ANKFN1: variants seen among roughly 807,000 people sequenced by gnomAD.
The protein encoded by ANKFN1 is ankyrin repeat and fibronectin type III domain containing 1, also known as ankyrin repeat and fibronectin type-III domain-containing protein 1.
A neutral mutation model predicts 108.7 loss-of-function variants in ANKFN1; 74 were observed. The ratio of observed to expected loss-of-function variants is 0.68; its 90% CI spans 0.56 to 0.83. The LOEUF (loss-of-function observed/expected upper bound fraction) is 0.83, where lower values mean the gene tolerates loss of function less well. Among genes scored for constraint, ANKFN1 ranks in the 40% least tolerant of loss-of-function variants. The pLI is 0.00. For missense variants in ANKFN1, 1,505 were observed against 1,382.3 expected (o/e 1.09, Z -1.41); for synonymous variants, 547 against 516.2 (o/e 1.06, Z -0.81).
chr17:56,387,003 G>A (rs2047295927), intron 8 of ANKFN1, among the ~76,000 whole-genome samples: 1 of 151,998 alleles, frequency 6.6e-6, no homozygotes, highest in Non-Finnish European at 1.5e-5. Flanking sequence ...TTTAAATCAT[G>A]GTGATTATAG....
chr17:56,120,312 T>C (rs1038712171), intron 4 of ANKFN1, among the ~76,000 whole-genome samples: 1 of 152,158 alleles, frequency 6.6e-6, no homozygotes, highest in Non-Finnish European at 1.5e-5. Context: ...AGCCACGTTT[T>C]CCACTGTTCT....
intron 1 of ANKFN1, among the ~76,000 whole-genome samples, chr17:56,170,811 C>T (rs78535851): frequency 0.011 from 1,160 of 105,236 alleles, 21 homozygotes; most frequent in African/African-American, 0.048. Context: ...TATATATACA[C>T]ACACACACAC....
At chr17:56,081,622 G>C (rs554639502) in intron 4 of ANKFN1, among the ~76,000 whole-genome samples, 2 of 152,114 alleles carry the variant, frequency 1.3e-5, no homozygotes, top group Admixed American at 6.5e-5. Flanking sequence ...CAAAGTACTG[G>C]GATTACAGGC....
chr17:56,195,736 A>G (rs1300851445), intron 1 of ANKFN1, among the ~76,000 whole-genome samples: 1 of 152,188 alleles, frequency 6.6e-6, no homozygotes, highest in Non-Finnish European at 1.5e-5. Flanking sequence ...CACTCAGCGT[A>G]TTATTCTCTT....
At chr17:56,124,022 A>G (rs1177561157) in intron 4 of ANKFN1, among the ~76,000 whole-genome samples, 1 of 152,278 alleles carries the variant, frequency 6.6e-6, no homozygotes, top group East Asian at 1.9e-4. Context: ...CGAGGGGTCC[A>G]TGGTGCGCAG....
At chr17:56,090,411 A>G (rs1905390433) in intron 4 of ANKFN1, among the ~76,000 whole-genome samples, 1 of 151,208 alleles carries the variant, frequency 6.6e-6, no homozygotes, top group Non-Finnish European at 1.5e-5. Flanking sequence ...CTAATGAAAC[A>G]ATGACCCCAA....
At chr17:56,082,479 C>G (rs968218795) in intron 4 of ANKFN1, among the ~76,000 whole-genome samples, 3 of 151,182 alleles carry the variant, frequency 2.0e-5, no homozygotes, top group Non-Finnish European at 4.4e-5. Flanking sequence ...TGTCAGAGTT[C>G]TGAATTTATT....
chr17:56,114,764 A>G (rs937024581), intron 4 of ANKFN1, among the ~76,000 whole-genome samples: 6 of 152,202 alleles, frequency 3.9e-5, no homozygotes, highest in African/African-American at 1.4e-4. Context: ...AGATTATCCT[A>G]TATTATCCAG....
chr17:56,166,179 A>G (rs186102947), intron 1 of ANKFN1, among the ~76,000 whole-genome samples: 359 of 152,316 alleles, frequency 2.4e-3, no homozygotes, highest in Middle Eastern at 0.01. Context: ...CAATGTAACC[A>G]TGTGACCTTG....
At chr17:56,374,767 G>T (rs2046901930) in intron 8 of ANKFN1, 53 bp downstream of exon 8, 2 of 1,392,132 alleles carry the variant, frequency 1.4e-6, no homozygotes, top group Non-Finnish European at 2.0e-6. Context: ...AGCATCTGCT[G>T]TTTGAGAATC....
intron 8 of ANKFN1, among the ~76,000 whole-genome samples, chr17:56,429,905 A>G (rs181835521): frequency 6.6e-6 from 1 of 152,318 alleles, no homozygotes. Flanking sequence ...GTAGAGTTGA[A>G]AATGCATGCA....
At chr17:56,292,616 C>T (rs2044393812) in intron 3 of ANKFN1, among the ~76,000 whole-genome samples, 1 of 152,168 alleles carries the variant, frequency 6.6e-6, no homozygotes, top group Non-Finnish European at 1.5e-5. Flanking sequence ...AACCAGAAAG[C>T]TTCTCTGTTA....
At chr17:56,465,043 A>G (rs1196290061) in intron 14 of ANKFN1, among the ~76,000 whole-genome samples, 2 of 152,160 alleles carry the variant, frequency 1.3e-5, no homozygotes, top group African/African-American at 4.8e-5. Flanking sequence ...CAGCAAGAGT[A>G]TTTACACCAC....
At chr17:56,312,958 C>T (rs1253586888) in intron 3 of ANKFN1, among the ~76,000 whole-genome samples, 1 of 152,048 alleles carries the variant, frequency 6.6e-6, no homozygotes, top group Non-Finnish European at 1.5e-5. Flanking sequence ...AGTTCAAGAC[C>T]AGCCTGGCCA....
At position 56,157,690 on chromosome 17, in the gene ANKFN1, C is replaced by A. The variant is rs1167273993; in HGVS notation, c.-71+4160C>A. ...AATAGGCTCTCCTACATGGACTCCA[C>A]TTCCTTTAAACCTACTGATGCATTC... On this transcript the variant is annotated intron_variant, in intron 1 of 20. Coordinates refer to ENST00000682825, the MANE Select transcript of ANKFN1 (RefSeq NM_001370326.1). Among the ~76,000 whole-genome samples the A allele has an allele frequency of 7.2e-5, 11 of 152,342 alleles. No homozygotes were observed. The East Asian group carries it at 1.7e-3, about 24-fold the overall frequency.
At chr17:56,303,613 T>C (rs543231390) in intron 3 of ANKFN1, among the ~76,000 whole-genome samples, 1 of 152,286 alleles carries the variant, frequency 6.6e-6, no homozygotes, top group African/African-American at 2.4e-5. Context: ...AGCTTCTTAT[T>C]TTGAGATAAC....
At chr17:56,484,119 A>G (rs1396043289) in intron 18 of ANKFN1, among the ~76,000 whole-genome samples, 1 of 152,198 alleles carries the variant, frequency 6.6e-6, no homozygotes, top group Non-Finnish European at 1.5e-5. Context: ...TAGAATGAGC[A>G]AAAACATGAG....
At chr17:56,180,668 AC>A (rs1911604753) in intron 1 of ANKFN1, among the ~76,000 whole-genome samples, 1 of 152,174 alleles carries the variant, frequency 6.6e-6, no homozygotes, top group African/African-American at 2.4e-5. Flanking sequence ...CCCCATGACA[AC>A]ATAATTAGTA....
At chr17:56,266,349 G>A (rs1378225311) in intron 3 of ANKFN1, among the ~76,000 whole-genome samples, 1 of 152,072 alleles carries the variant, frequency 6.6e-6, no homozygotes, top group Non-Finnish European at 1.5e-5. Context: ...GCTTCAACCT[G>A]AGCCCTTCCA....
Sources: gnomAD v4.1 joint callset for allele counts (sites outside exome capture counted in the v4.1 genomes callset) on GRCh38, gnomAD v4.1.1 for gene constraint, MANE v1.5 for transcripts, NCBI Gene and HGNC (gene_info 2026-07-23, HGNC 2026-07-21) for gene names.